NBAS: variants seen among roughly 807,000 people sequenced by gnomAD.
NBAS encodes NAG/BC035112 fusion.
A neutral mutation model predicts 302.5 loss-of-function variants in NBAS; 219 were observed. The ratio of observed to expected loss-of-function variants is 0.72; its 90% CI spans 0.65 to 0.81. The LOEUF is 0.81. Ranked by LOEUF, NBAS falls within the 30% of genes least tolerant of loss-of-function variation. The pLI is 0.00. For synonymous variants in NBAS, 1,118 were observed against 1,021.6 expected (o/e 1.09, Z -1.80); for missense variants, 2,932 against 2,841.6 (o/e 1.03, Z -0.72).
chr2:15,469,297 G>T (rs964255036), intron 16 of NBAS, among the ~76,000 whole-genome samples: 7 of 152,246 alleles, frequency 4.6e-5, no homozygotes, highest in Middle Eastern at 3.4e-3. Flanking sequence ...TGATGTTAGG[G>T]TGTCAATTTT....
intron 13 of NBAS, among the ~76,000 whole-genome samples, chr2:15,476,553 T>C (rs953804456): frequency 1.3e-5 from 2 of 152,002 alleles, no homozygotes; most frequent in Admixed American, 6.6e-5. Context: ...AAACCCCATC[T>C]CTATTAAAAA....
At chr2:15,065,479 G>A in the NBAS span, among the ~76,000 whole-genome samples, 2 of 152,010 alleles carry the variant, frequency 1.3e-5, no homozygotes, top group African/African-American at 2.4e-5. Flanking sequence ...GAGATGACAT[G>A]ACCTTATAGT....
chr2:15,347,019 G>C (rs1469890246), intron 35 of NBAS, among the ~76,000 whole-genome samples: 4 of 152,108 alleles, frequency 2.6e-5, no homozygotes, highest in African/African-American at 9.7e-5. Context: ...CGGGAGAGGA[G>C]AGGAAACTTA....
At chr2:14,783,655 G>A in the NBAS span, among the ~76,000 whole-genome samples, 15 of 151,386 alleles carry the variant, frequency 9.9e-5, no homozygotes, top group South Asian at 8.4e-4. Flanking sequence ...TGAACTCATC[G>A]TTTTTTATGG....
chr2:15,167,013 CT>C lies in NBAS; in HGVS notation c.*34del. On this transcript the variant is annotated 3_prime_UTR_variant, in exon 52 of 52. Transcript: ENST00000281513. The stretch of plus-strand genomic sequence containing the variant: ...TGGGAACAGCATTCAACTCCAGATG[CT>C]TTTTCTGCTAAGGAGCAGGGCCACA... 1 of 1,509,294 alleles carries C rather than the reference CT, an allele frequency of 6.6e-7. No individual in the cohort carries two copies. Among genetic ancestry groups the C allele is most frequent in the Non-Finnish European group, 8.9e-7 (1 of 1,128,646 alleles). 93.5% of individuals were successfully genotyped at this position (1,509,294 alleles called of 1,614,324 possible).
At chr2:15,457,956 G>A (rs1414748516) in intron 21 of NBAS, among the ~76,000 whole-genome samples, 1 of 152,192 alleles carries the variant, frequency 6.6e-6, no homozygotes, top group African/African-American at 2.4e-5. Flanking sequence ...AGGTTAGCAA[G>A]TGAAAGTCCA....
chr2:15,271,592 AG>A (rs1443152170), intron 44 of NBAS, among the ~76,000 whole-genome samples: 1 of 152,222 alleles, frequency 6.6e-6, no homozygotes, highest in Non-Finnish European at 1.5e-5. Flanking sequence ...GAATTTTTAA[AG>A]AAGGATCCTG....
At chr2:15,534,327 A>G (rs1663377569) in intron 9 of NBAS, among the ~76,000 whole-genome samples, 1 of 152,236 alleles carries the variant, frequency 6.6e-6, no homozygotes. Context: ...TTCCTCATTG[A>G]ATATTCCCAG....
At chr2:15,038,258 C>T in the NBAS span, among the ~76,000 whole-genome samples, 7 of 151,656 alleles carry the variant, frequency 4.6e-5, no homozygotes, top group African/African-American at 7.3e-5. Context: ...GACTATGGCG[C>T]GCACCACAAT....
At chr2:14,786,473 C>T in the NBAS span, among the ~76,000 whole-genome samples, 3 of 151,954 alleles carry the variant, frequency 2.0e-5, no homozygotes, top group Admixed American at 1.3e-4. Context: ...CTATAAATTT[C>T]CCGCTACACA....
rs546531562 is a variant in NBAS at position 15,170,420 on chromosome 2, G to A, written c.6841-3097C>T. ...TGAGAATGCCTAAGGCTAAAGACAC[G>A]GAAATGAAATGCATGCTTCCTTCCC... On this transcript the variant is annotated intron_variant, in intron 51 of 51. Transcript: ENST00000281513. 2.0e-5 allele frequency among the ~76,000 whole-genome samples: 3 copies of A among 152,268 alleles called. No individual in the cohort carries two copies. The East Asian group carries it at 5.8e-4, about 29-fold the overall frequency.
At chr2:14,886,545 T>C in the NBAS span, 7 of 152,312 alleles carry the variant, frequency 4.6e-5, no homozygotes, top group African/African-American at 1.2e-4. Flanking sequence ...CCCATCTCTA[T>C]AAATTGTACC....
At chr2:14,958,901 T>A in the NBAS span, among the ~76,000 whole-genome samples, 4 of 151,820 alleles carry the variant, frequency 2.6e-5, no homozygotes, top group Admixed American at 6.6e-5. Context: ...AAAAAGTAAA[T>A]CCTGAGGATT....
chr2:15,209,805 C>T (rs144289224), intron 48 of NBAS, among the ~76,000 whole-genome samples: 240 of 152,058 alleles, frequency 1.6e-3, no homozygotes, highest in African/African-American at 5.1e-3. Flanking sequence ...AATAGAGAAC[C>T]CAAAGATAAA....
intron 21 of NBAS, among the ~76,000 whole-genome samples, chr2:15,428,541 G>A (rs1434883165): frequency 3.3e-5 from 5 of 152,130 alleles, no homozygotes; most frequent in Admixed American, 3.3e-4. Flanking sequence ...GCTAGCCTAG[G>A]CAACATAGTG....
At chr2:15,329,425 A>C (rs779420476) in intron 36 of NBAS, among the ~76,000 whole-genome samples, 1 of 152,072 alleles carries the variant, frequency 6.6e-6, no homozygotes, top group Non-Finnish European at 1.5e-5. Flanking sequence ...CATGGTTCAA[A>C]CTACCCACTT....
chr2:15,514,232 G>T (rs898088488), intron 9 of NBAS, among the ~76,000 whole-genome samples: 1 of 152,108 alleles, frequency 6.6e-6, no homozygotes, highest in African/African-American at 2.4e-5. Context: ...GCCATGAGCT[G>T]ATTGTTGAAA....
Position 15,434,630 on chromosome 2 carries a change from T to C in NBAS, c.2340-6836A>G, listed in dbSNP as rs114685007. Among the ~76,000 whole-genome samples, 1,015 of 152,368 alleles carry C rather than the reference T, an allele frequency of 6.7e-3. 10 individuals are homozygous for C. The highest frequency in any genetic ancestry group is 0.022 in the African/African-American group (925 of 41,584). On this transcript the variant is annotated intron_variant, in intron 21 of 51. Coordinates refer to ENST00000281513, the MANE Select transcript of NBAS (RefSeq NM_015909.4). The stretch of plus-strand genomic sequence containing the variant: ...GGTTTTATTGTTCATTTATTTTTGA[T>C]ATGATGTTCATATTTGTAGTATTAC...
At chr2:14,939,738 T>C in the NBAS span, among the ~76,000 whole-genome samples, 1 of 152,260 alleles carries the variant, frequency 6.6e-6, no homozygotes. Flanking sequence ...AAATGCACTC[T>C]GTGAACTTTC....
Sources: gnomAD v4.1 joint callset for allele counts (sites outside exome capture counted in the v4.1 genomes callset) on GRCh38, gnomAD v4.1.1 for gene constraint, MANE v1.5 for transcripts, NCBI Gene and HGNC (gene_info 2026-07-23, HGNC 2026-07-21) for gene names.